The following CPEB2 variants were observed in gnomAD, a reference collection of about 807,000 sequenced individuals.
The protein encoded by CPEB2 is cytoplasmic polyadenylation element binding protein 2.
CPEB2 carries 56 observed loss-of-function variants against 93.6 expected under a neutral mutation model. The ratio of observed to expected loss-of-function variants is 0.60; its 90% CI spans 0.48 to 0.75. The LOEUF (loss-of-function observed/expected upper bound fraction) is 0.75. Among genes scored for constraint, CPEB2 ranks in the 30% least tolerant of loss-of-function variants. CPEB2 has a pLI of 0.00. For synonymous variants in CPEB2, 764 were observed against 586.3 expected (o/e 1.30, Z -4.38); for missense variants, 1,579 against 1,395.1 (o/e 1.13, Z -2.10).
At chr4:15,048,581 A>G (rs762546514) in intron 6 of CPEB2, among the ~76,000 whole-genome samples, 5 of 149,078 alleles carry the variant, frequency 3.4e-5, no homozygotes, top group Non-Finnish European at 7.5e-5. Context: ...TTGTTACTTT[A>G]TTTCCTTCAT....
At chr4:15,044,871 CATT>C (rs1727508921) in intron 6 of CPEB2, among the ~76,000 whole-genome samples, 1 of 152,110 alleles carries the variant, frequency 6.6e-6, no homozygotes, top group South Asian at 2.1e-4. Flanking sequence ...AGGGGATAGC[CATT>C]ATTCTCGTTT....
Position 15,003,121 on chromosome 4 carries a change from TCCTCCG to T in CPEB2, c.454_459del (p.Ala152_Ser153del). Reference sequence around the variant, plus strand: ...ACCGAGTCTGCACCACCCCTCCTCCTCCTCCGCCTCCTCCTGCTGCTGCTGCCGCAC... The same window carrying T: ...ACCGAGTCTGCACCACCCCTCCTCCTCCTCCTCCTGCTGCTGCTGCCGCAC... On this transcript the variant is annotated inframe_deletion, in exon 1 of 12. Transcript: ENST00000538197. 5 of 1,530,048 alleles carry T rather than the reference TCCTCCG, an allele frequency of 3.3e-6. 1 individual carries two copies. The highest frequency in any genetic ancestry group is 2.4e-5 in the South Asian group (2 of 83,648). 94.8% of individuals were successfully genotyped at this position (1,530,048 alleles called of 1,614,324 possible).
At position 15,069,080 on chromosome 4, in the gene CPEB2, C is replaced by G. The variant is rs1423779655; in HGVS notation, c.*2700C>G. ...TTTTAAAAGCTTCTTCACTTGTGTT[C>G]CCTAAATATTCATATTGCTGCCCAA... is the stretch of plus-strand genomic sequence containing the variant. On this transcript the variant is annotated 3_prime_UTR_variant, in exon 12 of 12. Transcript: ENST00000538197. 6.6e-6 allele frequency: 1 copy of G among 151,286 alleles called. No individual in the cohort carries two copies. The highest frequency in any genetic ancestry group is 1.5e-5 in the Non-Finnish European group (1 of 67,610). The allele number at this position is 151,286 out of a possible 1,614,324, so 9.4% of individuals were successfully genotyped here.
intron 1 of CPEB2, chr4:15,004,965 C>G (rs1045597990): frequency 2.6e-5 from 4 of 152,168 alleles, no homozygotes; most frequent in Non-Finnish European, 4.4e-5. Flanking sequence ...CTTATTTGGC[C>G]GGCGGTGATC....
At position 15,007,337 on chromosome 4, in the gene CPEB2, T is replaced by A; in HGVS notation, c.1695T>A (p.His565Gln). ...PLLKQSPWSN[H>Q]QSSGWGTGSM... ...TGAAACAGTCTCCCTGGAGCAACCATCAGAGCAGTGGCTGGGGCACTGGAA... is the reference window on the plus strand; with the variant it reads ...TGAAACAGTCTCCCTGGAGCAACCAACAGAGCAGTGGCTGGGGCACTGGAA... The change falls in exon 2 of 12, where the codon CAT becomes CAA. Residue 565 changes from histidine (H) to glutamine (Q), a missense_variant. Physicochemically the swap from His to Gln is conservative, Grantham distance 24 (BLOSUM62 0). This residue lies in a region of CPEB2 where 1,411 missense variants were observed against 1,056.0 expected (regional missense o/e 1.34). Coordinates refer to ENST00000538197, the MANE Select transcript of CPEB2 (RefSeq NM_001177382.2). The A allele has an allele frequency of 1.3e-6, 2 of 1,581,926 alleles. No homozygotes were observed. The highest frequency in any genetic ancestry group is 1.7e-6 in the Non-Finnish European group (2 of 1,159,180).
intron 4 of CPEB2, among the ~76,000 whole-genome samples, chr4:15,029,414 A>G (rs1184438729): frequency 6.6e-6 from 1 of 152,108 alleles, no homozygotes; most frequent in Non-Finnish European, 1.5e-5. Context: ...CTAGTTATTC[A>G]CTGATACCCA....
intron 4 of CPEB2, among the ~76,000 whole-genome samples, chr4:15,022,513 T>C (rs1355733388): frequency 6.6e-6 from 1 of 152,084 alleles, no homozygotes; most frequent in Non-Finnish European, 1.5e-5. Flanking sequence ...CTAATATATA[T>C]ATGCATTCAG....
intron 7 of CPEB2, among the ~76,000 whole-genome samples, chr4:15,053,498 G>A (rs73226799): frequency 0.013 from 2,048 of 152,266 alleles, 13 homozygotes; most frequent in South Asian, 0.023. Context: ...CTATATTTGT[G>A]AGGTTATGGG....
chr4:15,031,585 A>G (rs1726099599), intron 4 of CPEB2, among the ~76,000 whole-genome samples: 1 of 152,192 alleles, frequency 6.6e-6, no homozygotes, highest in South Asian at 2.1e-4. Flanking sequence ...TAGTTAACTC[A>G]TGTCATGCTG....
At chr4:15,031,126 G>T (rs1244026047) in intron 4 of CPEB2, among the ~76,000 whole-genome samples, 9 of 151,950 alleles carry the variant, frequency 5.9e-5, no homozygotes, top group Admixed American at 5.9e-4. Context: ...TATTGAAATT[G>T]TATATTTGTG....
chr4:15,045,237 G>A (rs577725297), intron 6 of CPEB2, among the ~76,000 whole-genome samples: 4 of 151,934 alleles, frequency 2.6e-5, no homozygotes, highest in Admixed American at 2.6e-4. Context: ...CTCCAGCCTG[G>A]GTTATAATTA....
rs1405141744 is a variant in CPEB2 at position 15,004,402 on chromosome 4, G to T, written c.1662+67G>T. On this transcript the variant is annotated intron_variant, in intron 1 of 11. Transcript: ENST00000538197. ...ACCATGGGCGGGGGACGGAGGCGGG[G>T]GCAGGGCAGCCGGGGACCCGACCTT... 33 of 1,229,124 alleles carry T rather than the reference G, an allele frequency of 2.7e-5. No homozygotes were observed. The Admixed American group carries it at 1.1e-3, about 41-fold the overall frequency. The allele number at this position is 1,229,124 out of a possible 1,614,324, so 76.1% of individuals were successfully genotyped here.
chr4:15,041,189 ACTTTG>A (rs1467814253), intron 6 of CPEB2, among the ~76,000 whole-genome samples: 10 of 152,174 alleles, frequency 6.6e-5, no homozygotes, highest in African/African-American at 2.2e-4. Context: ...TGTGGCTAAA[ACTTTG>A]CTTCTCCCTT....
intron 11 of CPEB2, among the ~76,000 whole-genome samples, chr4:15,064,037 T>C (rs1729459758): frequency 6.6e-6 from 1 of 152,112 alleles, no homozygotes. Context: ...TGAATAAATA[T>C]ACGTGTATAA....
chr4:15,055,938 T>A (rs1728677003), intron 8 of CPEB2, among the ~76,000 whole-genome samples: 1 of 152,178 alleles, frequency 6.6e-6, no homozygotes. Flanking sequence ...ACATTGAGGA[T>A]CTACCAAATG....
Position 15,070,035 on chromosome 4 carries a change from G to A in CPEB2, c.*3655G>A, listed in dbSNP as rs914867115. 6.6e-6 allele frequency: 1 copy of A among 152,070 alleles called. No homozygotes were observed. The highest frequency in any genetic ancestry group is 1.5e-5 in the Non-Finnish European group (1 of 67,780). The allele number at this position is 152,070 out of a possible 1,614,324, so 9.4% of individuals were successfully genotyped here. On this transcript the variant is annotated 3_prime_UTR_variant, in exon 12 of 12. Transcript: ENST00000538197. ...AGGTGTCTAAATCTCCAGTCTGTCT[G>A]TTGTACTGGTAATTTAACTCTGTAA... is the stretch of plus-strand genomic sequence containing the variant.
intron 6 of CPEB2, among the ~76,000 whole-genome samples, chr4:15,044,477 A>G (rs929013286): frequency 2.6e-5 from 4 of 152,198 alleles, no homozygotes; most frequent in Admixed American, 6.5e-5. Flanking sequence ...ATTTTAAAGC[A>G]TATATATCTA....
chr4:15,035,116 TTAAG>T (rs1726482486), intron 5 of CPEB2, among the ~76,000 whole-genome samples: 2 of 152,234 alleles, frequency 1.3e-5, no homozygotes, highest in Non-Finnish European at 2.9e-5. Context: ...AGGCATTTGG[TTAAG>T]TAAGTTGAAT....
rs1213134806 is a variant in CPEB2 at position 15,004,128 on chromosome 4, C to T, written c.1455C>T (p.Gly485=). ...GCGTTCCGACGAGCGGCGGCGGCGG[C>T]GGCGGCTTCGGCGGCCCCTTCTCGG... ...GLSVPTSGGG[G]GGFGGPFSAT... Residue 485 remains glycine, a synonymous_variant, in exon 1 of 12, where the codon GGC becomes GGT. Transcript: ENST00000538197. 5.9e-6 allele frequency: 4 copies of T among 675,206 alleles called. No individual in the cohort carries two copies. Among genetic ancestry groups the T allele is most frequent in the South Asian group, 1.5e-5 (1 of 66,634 alleles). 41.8% of individuals were successfully genotyped at this position (675,206 alleles called of 1,614,324 possible). A position where few individuals can be genotyped will look rare whatever the true frequency, so the allele number is the denominator to read the frequency against.
Sources: gnomAD v4.1 joint callset for allele counts (sites outside exome capture counted in the v4.1 genomes callset) on GRCh38, gnomAD v4.1.1 for gene constraint, gnomAD v4.1.1 regional missense constraint, MANE v1.5 for transcripts, NCBI Gene and HGNC (gene_info 2026-07-23, HGNC 2026-07-21) for gene names.